ZW10: variants seen among roughly 807,000 people sequenced by gnomAD.
ZW10 encodes the protein zw10 kinetochore protein.
In ZW10, 53 loss-of-function variants were observed where a neutral mutation model predicts 87.8. The observed-to-expected ratio is 0.60, with a 90% CI of 0.48 to 0.76. The LOEUF (loss-of-function observed/expected upper bound fraction) is 0.76, where lower values mean the gene tolerates loss of function less well. Ranked by LOEUF, ZW10 falls within the 30% of genes least tolerant of loss-of-function variation. ZW10 has a pLI of 0.00. For missense variants in ZW10, 837 were observed against 923.0 expected (o/e 0.91, Z 1.21); for synonymous variants, 312 against 329.2 (o/e 0.95, Z 0.57).
intron 7 of ZW10, among the ~76,000 whole-genome samples, chr11:113,754,750 C>T (rs1025776201): frequency 4.6e-5 from 7 of 152,008 alleles, no homozygotes; most frequent in African/African-American, 1.7e-4. Context: ...TGCCACTATG[C>T]CTGGCTAATT....
intron 7 of ZW10, among the ~76,000 whole-genome samples, chr11:113,750,640 TA>T (rs1446874480): frequency 6.6e-6 from 1 of 152,104 alleles, no homozygotes; most frequent in Non-Finnish European, 1.5e-5. Context: ...TGAACAATAT[TA>T]AGGGACATTT....
chr11:113,753,401 TTTTTG>T (rs1346792178), intron 7 of ZW10, among the ~76,000 whole-genome samples: 2 of 152,086 alleles, frequency 1.3e-5, no homozygotes, highest in African/African-American at 2.4e-5. Context: ...AAAGTTTTGT[TTTTTG>T]TTTTGTTTTG....
At chr11:113,746,494 T>TCAAAAAAAAAAAAAAAAAAAAAAAAAACA (rs1953677450) in intron 9 of ZW10, among the ~76,000 whole-genome samples, 1 of 16,560 alleles carries the variant, frequency 6.0e-5, no homozygotes, top group Non-Finnish European at 1.3e-4. Context: ...AACAAAACAG[T>TCAAAAAAAAAAAAAAAAAAAAAAAAAACA]CAAAAAAAAA....
chr11:113,743,781 C>T (rs1953649701), intron 10 of ZW10, 21 bp downstream of exon 10: 1 of 1,590,228 alleles, frequency 6.3e-7, no homozygotes, highest in Non-Finnish European at 8.6e-7. Context: ...TTGCCATTTT[C>T]ACACAACCCA....
rs770070787 is a variant in ZW10, at chr11:113,739,347, A to C, written c.1619T>G (p.Ile540Ser). The change falls in exon 12 of 16, where the codon ATT (isoleucine) becomes AGT (serine). Residue 540 changes from isoleucine to serine, a missense_variant. Ile to Ser is a moderately radical substitution (Grantham distance 142). Transcript: ENST00000200135. Reference sequence around the variant, plus strand: ...AATGTACATACAGTTGTTGTGATGAATAGCAGCCAACTGGGGAAGTTTTTG... The same window carrying C: ...AATGTACATACAGTTGTTGTGATGACTAGCAGCCAACTGGGGAAGTTTTTG... ...NLQKLPQLAA[I>S]HHNNCMYIAH... 1 of 1,604,864 alleles carries C rather than the reference A, an allele frequency of 6.2e-7. No homozygotes were observed. The highest frequency in any genetic ancestry group is 1.7e-5 in the Admixed American group (1 of 58,612).
chr11:113,738,628 C>T (rs528784651), intron 12 of ZW10, among the ~76,000 whole-genome samples: 2 of 151,868 alleles, frequency 1.3e-5, no homozygotes, highest in Admixed American at 6.6e-5. Context: ...GCTTAGAGCC[C>T]GAGTCAGCTA....
At chr11:113,739,730 C>T (rs1386850375) in intron 11 of ZW10, among the ~76,000 whole-genome samples, 1 of 152,184 alleles carries the variant, frequency 6.6e-6, no homozygotes, top group Non-Finnish European at 1.5e-5. Flanking sequence ...TACAGGTTTA[C>T]TTCACCTTTC....
rs147362432 is a variant in ZW10, at chr11:113,768,908, G to A, written c.165C>T (p.Ser55=). The change falls in exon 2 of 16, where the codon AGC becomes AGT. Residue 55 remains serine (S), a synonymous_variant. Transcript: ENST00000200135. ...KYSEFLPSMQ[S]AQGLITQVDK... ...CCACCTGGGTAATCAGGCCCTGCGC[G>A]CTCTGCATGCTAGGCAGGAATTCAC... 7.4e-6 allele frequency: 12 copies of A among 1,613,914 alleles called. No individual in the cohort carries two copies. The highest frequency in any genetic ancestry group is 4.5e-5 in the East Asian group (2 of 44,878).
chr11:113,757,848 T>G lies in ZW10; in HGVS notation c.739A>C (p.Met247Leu), dbSNP rs1462783769. 1 of 1,588,380 alleles carries G rather than the reference T, an allele frequency of 6.3e-7. No individual in the cohort carries two copies. The highest frequency in any genetic ancestry group is 8.6e-7 in the Non-Finnish European group (1 of 1,165,306). The change falls in exon 7 of 16, where the codon ATG becomes CTG. Residue 247 changes from methionine to leucine, a missense_variant. Transcript: ENST00000200135. ...GGCCTAAGGATATACTTCAGCAGCA[T>G]CTGACCTGAAAAATCATATGAACAT... ...LHSKLKSFGQMLLKYILRPLA... is the reference protein window; with the variant it reads ...LHSKLKSFGQLLLKYILRPLA...
chr11:113,739,175 T>C, intron 12 of ZW10, 38 bp downstream of exon 12: 1 of 1,606,088 alleles, frequency 6.2e-7, no homozygotes, highest in Non-Finnish European at 8.5e-7. Context: ...ACAAGCTGCA[T>C]AATCCATATG....
chr11:113,750,280 T>C (rs558068669), intron 7 of ZW10, among the ~76,000 whole-genome samples: 1 of 152,128 alleles, frequency 6.6e-6, no homozygotes, highest in South Asian at 2.1e-4. Flanking sequence ...AAAAGCTGCT[T>C]GCTTGTTGCA....
At chr11:113,763,567 C>T (rs144148347) in intron 2 of ZW10, among the ~76,000 whole-genome samples, 1,620 of 152,248 alleles carry the variant, frequency 0.011, 33 homozygotes, top group African/African-American at 0.038. Context: ...TTCTGACTTG[C>T]GTGAGATGGT....
intron 11 of ZW10, 120 bp from the exon 12 acceptor site, chr11:113,739,502 G>A: frequency 3.5e-6 from 3 of 869,384 alleles, no homozygotes; most frequent in Non-Finnish European, 5.2e-6. Context: ...GTTTCTAAAT[G>A]CTATACATAA....
intron 2 of ZW10, among the ~76,000 whole-genome samples, chr11:113,761,613 C>T (rs1446183502): frequency 2.0e-5 from 3 of 152,160 alleles, no homozygotes; most frequent in Non-Finnish European, 2.9e-5. Flanking sequence ...GAATCTACCT[C>T]TCATTCTGTC....
At chr11:113,764,955 T>C (rs1028729509) in intron 2 of ZW10, among the ~76,000 whole-genome samples, 2 of 152,174 alleles carry the variant, frequency 1.3e-5, no homozygotes, top group Non-Finnish European at 2.9e-5. Flanking sequence ...TCCAAACCAG[T>C]GGTTTTTAAC....
At chr11:113,740,195 G>GAA (rs112679347) in intron 11 of ZW10, among the ~76,000 whole-genome samples, 13 of 151,524 alleles carry the variant, frequency 8.6e-5, no homozygotes, top group Middle Eastern at 3.4e-3. Flanking sequence ...TAAAAAAAAA[G>GAA]AAAAAAACAC....
chr11:113,740,102 G>A (rs954889319), intron 11 of ZW10, among the ~76,000 whole-genome samples: 2 of 151,880 alleles, frequency 1.3e-5, no homozygotes, highest in African/African-American at 4.8e-5. Context: ...ATAAAACTAG[G>A]ATATACAAGT....
At position 113,768,925 on chromosome 11, in the gene ZW10, G is replaced by T; in HGVS notation, c.148C>A (p.Leu50Met). 6.2e-7 allele frequency: 1 copy of T among 1,614,052 alleles called. No homozygotes were observed. The highest frequency in any genetic ancestry group is 1.1e-5 in the South Asian group (1 of 91,076). Residue 50 changes from leucine to methionine, a missense_variant, in exon 2 of 16, where the codon CTG becomes ATG. By Grantham distance (15) the Leu-to-Met change is conservative (BLOSUM62 2). Transcript: ENST00000200135. ...NMISKKYSEF[L>M]PSMQSAQGLI... The stretch of plus-strand genomic sequence containing the variant: ...CCCTGCGCGCTCTGCATGCTAGGCA[G>T]GAATTCACTGTACTTCTTGCTAATC...
chr11:113,758,663 TA>T lies in ZW10; in HGVS notation c.623del (p.Leu208TyrfsTer42), dbSNP rs1173850149. ...LESYLQTELH[L>X]YTEQSHKEEK... Reference sequence around the variant, plus strand: ...CCTCTTTGTGCGATTGTTCAGTGTATAAATGAAGTTCAGTTTGTAGGTAAGA... The same window carrying T: ...CCTCTTTGTGCGATTGTTCAGTGTATAATGAAGTTCAGTTTGTAGGTAAGA... On this transcript the variant is annotated frameshift_variant, in exon 6 of 16. Transcript: ENST00000200135. LOFTEE classifies it high-confidence loss of function. 4 of 1,613,990 alleles carry T rather than the reference TA, an allele frequency of 2.5e-6. No individual in the cohort carries two copies. In the African/African-American group the frequency reaches 5.3e-5, roughly 22 times the overall value.
Sources: gnomAD v4.1 joint callset for allele counts (sites outside exome capture counted in the v4.1 genomes callset) on GRCh38, gnomAD v4.1.1 for gene constraint, MANE v1.5 for transcripts, NCBI Gene and HGNC (gene_info 2026-07-23, HGNC 2026-07-21) for gene names.